The following ICE2 variants were observed in gnomAD, a reference collection of about 807,000 sequenced individuals.
ICE2 encodes little elongation complex subunit 2.
A neutral mutation model predicts 105.4 loss-of-function variants in ICE2; 87 were observed. The observed-to-expected ratio is 0.83, with a 90% CI of 0.69 to 0.99. ICE2 has a LOEUF of 0.99. ICE2 is among the 50% of genes least tolerant of loss of function. The pLI is 0.00. For synonymous variants in ICE2, 399 were observed against 392.0 expected, an observed-to-expected ratio of 1.02 and a Z score of -0.21; for missense variants, 1,323 against 1,146.7, an observed-to-expected ratio of 1.15 and a Z score of -2.22.
intron 12 of ICE2, chr15:60,441,562 T>C (rs1227952175): frequency 6.6e-6 from 1 of 152,066 alleles, no homozygotes; most frequent in African/African-American, 2.4e-5. Context: ...TAAGAGAGAA[T>C]AAAGTACAAA....
chr15:60,449,346 T>G lies in ICE2; in HGVS notation c.1621A>C (p.Arg541=). ...TCTAGGTTTTCTAGAACATTAGGTCTTTCACCATCAGCATGTAATATATCT... is the reference window on the plus strand; with the variant it reads ...TCTAGGTTTTCTAGAACATTAGGTCGTTCACCATCAGCATGTAATATATCT... ...TIDILHADGE[R]PNVLENLDNS... The change falls in exon 10 of 16, where the codon AGA becomes CGA. Residue 541 remains arginine (R), a synonymous_variant. Transcript: ENST00000261520. 5 of 1,613,306 alleles carry G rather than the reference T, an allele frequency of 3.1e-6. No homozygotes were observed. The South Asian group carries it at 5.5e-5, about 18-fold the overall frequency.
intron 3 of ICE2, among the ~76,000 whole-genome samples, chr15:60,471,841 T>C (rs2064605642): frequency 6.6e-6 from 1 of 152,090 alleles, no homozygotes; most frequent in Non-Finnish European, 1.5e-5. Flanking sequence ...TTTCCTATAC[T>C]TTAAGTACTG....
chr15:60,423,691 C>A lies in ICE2; in HGVS notation c.2892G>T (p.Leu964Phe). 5 of 1,607,152 alleles carry A rather than the reference C, an allele frequency of 3.1e-6. No homozygotes were observed. Among genetic ancestry groups the A allele is most frequent in the Non-Finnish European group, 4.2e-6 (5 of 1,178,444 alleles). ...CTTCAGTTTCAACTTGCTGAGCAGGCAAGCAACTGCTTTTGGTTTCCATGG... is the reference window on the plus strand; with the variant it reads ...CTTCAGTTTCAACTTGCTGAGCAGGAAAGCAACTGCTTTTGGTTTCCATGG... The part of the protein sequence containing the change: ...PVSMETKSSC[L>F]PAQQVETEGV... Residue 964 changes from leucine to phenylalanine, a missense_variant, in exon 16 of 16, where the codon TTG becomes TTT. Physicochemically the swap from Leu to Phe is conservative, Grantham distance 22 (BLOSUM62 0). Coordinates refer to ENST00000261520, the MANE Select transcript of ICE2 (RefSeq NM_024611.6).
At chr15:60,459,328 A>G (rs2064210802) in intron 5 of ICE2, among the ~76,000 whole-genome samples, 1 of 152,168 alleles carries the variant, frequency 6.6e-6, no homozygotes, top group African/African-American at 2.4e-5. Context: ...TAGACAACAC[A>G]TTTTTCAACA....
rs769964660 is a variant in ICE2, at chr15:60,449,712, G to C, written c.1255C>G (p.Pro419Ala). 6.2e-7 allele frequency: 1 copy of C among 1,614,058 alleles called. No individual in the cohort carries two copies. Among genetic ancestry groups the C allele is most frequent in the South Asian group, 1.1e-5 (1 of 91,074 alleles). The change falls in exon 10 of 16, where the codon CCA (proline) becomes GCA (alanine). Residue 419 changes from proline (P) to alanine (A), a missense_variant. Coordinates refer to ENST00000261520, the MANE Select transcript of ICE2 (RefSeq NM_024611.6). The part of the protein sequence containing the change: ...TTTKVSKSPS[P>A]ASTSTVPNMT... ...TTAGGTACTGTGGAAGTACTTGCTG[G>C]ACTTGGTGATTTTGATACTTTGGTG...
At chr15:60,459,800 C>T (rs2064223424) in intron 5 of ICE2, among the ~76,000 whole-genome samples, 1 of 151,836 alleles carries the variant, frequency 6.6e-6, no homozygotes. Flanking sequence ...TCAAGAGTAA[C>T]CACTAAGAGA....
At chr15:60,478,901 C>A (rs1002814339) in intron 1 of ICE2, 102 bp downstream of exon 1, 1 of 453,786 alleles carries the variant, frequency 2.2e-6, no homozygotes, top group Non-Finnish European at 4.4e-6. Flanking sequence ...GGTCCTGGCC[C>A]GGCCGCCATG....
chr15:60,428,378 A>G, intron 15 of ICE2, 51 bp downstream of exon 15: 2 of 1,557,900 alleles, frequency 1.3e-6, no homozygotes, highest in African/African-American at 2.7e-5. Flanking sequence ...TCAGTGAAAT[A>G]GACGAATAAT....
intron 12 of ICE2, chr15:60,439,308 T>TG (rs1420255522): frequency 6.6e-6 from 1 of 152,374 alleles, no homozygotes; most frequent in East Asian, 1.9e-4. Context: ...GAAACGTTAA[T>TG]GAAGAGCAGT....
intron 11 of ICE2, chr15:60,445,609 G>C (rs1026518541): frequency 3.1e-6 from 3 of 969,376 alleles, no homozygotes; most frequent in Admixed American, 6.2e-5. Flanking sequence ...GACATATTTT[G>C]ATGAAGAATG....
At chr15:60,477,857 G>C (rs2141185691) in intron 2 of ICE2, 80 bp downstream of exon 2, 1 of 1,236,562 alleles carries the variant, frequency 8.1e-7, no homozygotes, top group Non-Finnish European at 1.2e-6. Flanking sequence ...ATCTCTCTAT[G>C]CCAGAAATCT....
In ICE2 at chr15:60,476,104, G is replaced by A. The variant is rs2064754593; in HGVS notation, c.105C>T (p.Ser35=). The A allele has an allele frequency of 1.9e-6, 3 of 1,608,498 alleles. No homozygotes were observed. Among genetic ancestry groups the A allele is most frequent in the East Asian group, 2.2e-5 (1 of 44,658 alleles). The change falls in exon 3 of 16, where the codon TCC becomes TCT. Residue 35 remains serine (S), a synonymous_variant. Coordinates refer to ENST00000261520, the MANE Select transcript of ICE2 (RefSeq NM_024611.6). ...GTAGTTCTTTTAAACTTGGAGCCAT[G>A]GAATGATCTTTATAATTTTCTCGAG... ...FFSRENYKDH[S]MAPSLKELRV...
In ICE2 at chr15:60,420,850, C is replaced by A. The variant is rs975233894; in HGVS notation, c.*2784G>T. The A allele has an allele frequency of 6.6e-6, 1 of 152,022 alleles. No individual in the cohort carries two copies. Among genetic ancestry groups the A allele is most frequent in the Non-Finnish European group, 1.5e-5 (1 of 68,014 alleles). The allele number at this position is 152,022 out of a possible 1,614,324, so 9.4% of individuals were successfully genotyped here. On this transcript the variant is annotated 3_prime_UTR_variant, in exon 16 of 16. Coordinates refer to ENST00000261520, the MANE Select transcript of ICE2 (RefSeq NM_024611.6). ...AATGTGATCTCCTGAAAAAAAAAATCTTTGATACCTACACATTCATGCATC... is the reference window on the plus strand; with the variant it reads ...AATGTGATCTCCTGAAAAAAAAAATATTTGATACCTACACATTCATGCATC...
chr15:60,472,569 T>G (rs189816820), intron 3 of ICE2, among the ~76,000 whole-genome samples: 1 of 152,224 alleles, frequency 6.6e-6, no homozygotes, highest in African/African-American at 2.4e-5. Context: ...AACAAGGATA[T>G]TCTAAGAAAA....
chr15:60,470,348 A>T (rs1368085170), intron 3 of ICE2, among the ~76,000 whole-genome samples: 1 of 152,220 alleles, frequency 6.6e-6, no homozygotes, highest in African/African-American at 2.4e-5. Flanking sequence ...TAAGGGAAAG[A>T]AAGAGAAGAA....
In ICE2 at chr15:60,420,471, C is replaced by CAAA. The variant is rs1438643681; in HGVS notation, c.*3160_*3162dup. The CAAA allele has an allele frequency of 6.6e-6, 1 of 152,236 alleles. No homozygotes were observed. Among genetic ancestry groups the CAAA allele is most frequent in the Non-Finnish European group, 1.5e-5 (1 of 68,048 alleles). 9.4% of individuals were successfully genotyped at this position (152,236 alleles called of 1,614,324 possible). ...GACTAATGCCAACAAGAGCCCTTTT[C>CAAA]AAATACATATCTGATCATGTCAGTT... is the stretch of plus-strand genomic sequence containing the variant. On this transcript the variant is annotated 3_prime_UTR_variant, in exon 16 of 16. Coordinates refer to ENST00000261520, the MANE Select transcript of ICE2 (RefSeq NM_024611.6).
intron 5 of ICE2, among the ~76,000 whole-genome samples, chr15:60,465,983 C>G (rs910373093): frequency 1.3e-5 from 2 of 151,980 alleles, no homozygotes; most frequent in African/African-American, 4.8e-5. Flanking sequence ...AACTCCTGAC[C>G]TCAGGTGATC....
At chr15:60,461,563 A>C (rs1436298939) in intron 5 of ICE2, among the ~76,000 whole-genome samples, 3 of 152,202 alleles carry the variant, frequency 2.0e-5, no homozygotes, top group Admixed American at 6.5e-5. Context: ...TCTTTTAAAA[A>C]ATGTGGGGGA....
Position 60,478,078 on chromosome 15 carries a change from AAAC to A in ICE2, c.-92-12_-92-10del. The A allele has an allele frequency of 3.7e-6, 4 of 1,073,178 alleles. No homozygotes were observed. The highest frequency in any genetic ancestry group is 5.8e-6 in the Non-Finnish European group (4 of 694,784). 66.5% of individuals were successfully genotyped at this position (1,073,178 alleles called of 1,614,324 possible). ...CTCCAGAACTTACTCAGCTGAGTAAAAACAAAAGGCCAAGATCAAAAGCAAGTG... is the reference window on the plus strand; with the variant it reads ...CTCCAGAACTTACTCAGCTGAGTAAAAAAAGGCCAAGATCAAAAGCAAGTG... On this transcript the variant is annotated splice_polypyrimidine_tract_variant and intron_variant, in intron 1 of 15. Coordinates refer to ENST00000261520, the MANE Select transcript of ICE2 (RefSeq NM_024611.6).
Sources: allele counts gnomAD v4.1 joint callset (sites outside exome capture counted in the v4.1 genomes callset), GRCh38; gene constraint gnomAD v4.1.1; transcripts MANE v1.5; gene names NCBI Gene and HGNC (gene_info 2026-07-23, HGNC 2026-07-21).